Variants in AP3S2 observed in about 807,000 individuals in gnomAD.
The protein encoded by AP3S2 is AP-3 complex subunit sigma-2.
AP3S2 carries 22 observed loss-of-function variants against 23.4 expected under a neutral mutation model. The ratio of observed to expected loss-of-function variants is 0.94; its 90% CI spans 0.67 to 1.34. The LOEUF (loss-of-function observed/expected upper bound fraction) is 1.34. Among genes scored for constraint, AP3S2 ranks in the 40% most tolerant of loss-of-function variants. The probability of loss-of-function intolerance (pLI) is 0.00; values close to 1 mark genes in which losing one functional copy is unlikely to be tolerated. For missense variants in AP3S2, 241 were observed against 236.9 expected (o/e 1.02, Z -0.11); for synonymous variants, 86 against 87.1 (o/e 0.99, Z 0.07).
intron 4 of AP3S2, among the ~76,000 whole-genome samples, chr15:89,857,126 C>G (rs1420228512): frequency 6.6e-6 from 1 of 151,992 alleles, no homozygotes; most frequent in African/African-American, 2.4e-5. Flanking sequence ...AAAGCTTCAT[C>G]AAAAGTAAAA....
At chr15:89,863,888 T>C (rs1313995345) in intron 4 of AP3S2, among the ~76,000 whole-genome samples, 1 of 152,210 alleles carries the variant, frequency 6.6e-6, no homozygotes, top group Admixed American at 6.5e-5. Flanking sequence ...GATCATTTTC[T>C]ATTATCAACA....
chr15:89,870,037 G>A (rs992980431), intron 4 of AP3S2, among the ~76,000 whole-genome samples: 9 of 152,048 alleles, frequency 5.9e-5, no homozygotes, highest in African/African-American at 7.2e-5. Context: ...CACGACGCCC[G>A]GCCTGTATTT....
At position 89,879,632 on chromosome 15, in the gene AP3S2, G is replaced by A. The variant is rs527448730; in HGVS notation, c.274-8086C>T. Among the ~76,000 whole-genome samples, 26 of 152,092 alleles carry A rather than the reference G, an allele frequency of 1.7e-4. No homozygotes were observed. The South Asian group carries it at 4.0e-3, about 23-fold the overall frequency. On this transcript the variant is annotated intron_variant, in intron 3 of 5. Coordinates refer to ENST00000336418, the MANE Select transcript of AP3S2 (RefSeq NM_005829.5). ...TTTTTATTAATTTTTATTTTTTGGGGTCTCACTTTGTCACCCAGCCTGGAG... is the reference window on the plus strand; with the variant it reads ...TTTTTATTAATTTTTATTTTTTGGGATCTCACTTTGTCACCCAGCCTGGAG...
At chr15:89,887,644 G>A (rs547586378) in intron 3 of AP3S2, among the ~76,000 whole-genome samples, 41 of 151,360 alleles carry the variant, frequency 2.7e-4, no homozygotes, top group African/African-American at 5.6e-4. Context: ...TTACAGGCAT[G>A]AGCCACCGCA....
At chr15:89,855,942 C>A (rs561861538) in intron 4 of AP3S2, among the ~76,000 whole-genome samples, 4 of 89,988 alleles carry the variant, frequency 4.4e-5, no homozygotes, top group African/African-American at 1.7e-4. Flanking sequence ...ATGATATGTC[C>A]TTTAAAAAAA....
rs1895163502 is a variant in AP3S2 at position 89,835,391 on chromosome 15, A to G, written c.*124T>C. 2.7e-6 allele frequency: 4 copies of G among 1,500,060 alleles called. No individual in the cohort carries two copies. The highest frequency in any genetic ancestry group is 3.6e-6 in the Non-Finnish European group (4 of 1,116,540). The allele number at this position is 1,500,060 out of a possible 1,614,324, so 92.9% of individuals were successfully genotyped here. On this transcript the variant is annotated 3_prime_UTR_variant, in exon 6 of 6. Transcript: ENST00000336418. ...CCATGCCAAACAGTCTTCCCCAGAC[A>G]CAAAGTTTCCAGGTCCTGAGGCTTG...
intron 4 of AP3S2, among the ~76,000 whole-genome samples, chr15:89,861,322 G>A (rs1407273196): frequency 6.6e-6 from 1 of 152,042 alleles, no homozygotes; most frequent in Non-Finnish European, 1.5e-5. Context: ...AAAAAATAAA[G>A]CGCTGGATAA....
At chr15:89,835,695 T>C (rs768976238) in intron 5 of AP3S2, 52 bp from the exon 6 acceptor site, 3 of 1,411,034 alleles carry the variant, frequency 2.1e-6, no homozygotes, top group Non-Finnish European at 1.9e-6. Context: ...GTTATCTGCT[T>C]AATGCTAAAA....
rs902249904 is a variant in AP3S2, at chr15:89,889,113, G to A, written c.97C>T (p.Arg33Ter). 6.2e-6 allele frequency: 10 copies of A among 1,614,004 alleles called. No homozygotes were observed. Among genetic ancestry groups the A allele is most frequent in the African/African-American group, 4.0e-5 (3 of 74,916 alleles). ...TTGAGGACTAGATGGAAAGTCTCTC[G>A]AACAATCTGCTGTTGAATTTCTTCT... ...FPEEIQQQIVRETFHLVLKRD... is the reference protein window; with the variant it reads ...FPEEIQQQIV Residue 33 changes from arginine (R) to a stop codon, truncating the protein, a stop_gained, in exon 2 of 6, where the codon CGA becomes TGA. Transcript: ENST00000336418. LOFTEE classifies it high-confidence loss of function.
At chr15:89,888,741 C>T (rs1049403082) in intron 2 of AP3S2, 109 bp from the exon 3 acceptor site, 42 of 1,219,146 alleles carry the variant, frequency 3.4e-5, no homozygotes, top group Non-Finnish European at 4.4e-5. Flanking sequence ...GAAGGCCAAA[C>T]GCTAGAAGCA....
rs1184785388 is a variant in AP3S2, at chr15:89,832,626, C to T, written c.*2889G>A. ...GCCGCAGCCTCCTGAGTAGCTGGGA[C>T]TACAGGTGTCCACTACCACGGCTGG... On this transcript the variant is annotated 3_prime_UTR_variant, in exon 6 of 6. Coordinates refer to ENST00000336418, the MANE Select transcript of AP3S2 (RefSeq NM_005829.5). 6.6e-6 allele frequency: 1 copy of T among 151,616 alleles called. No homozygotes were observed. Among genetic ancestry groups the T allele is most frequent in the Non-Finnish European group, 1.5e-5 (1 of 68,046 alleles). 9.4% of individuals were successfully genotyped at this position (151,616 alleles called of 1,614,324 possible).
chr15:89,866,693 T>G (rs987868901), intron 4 of AP3S2, among the ~76,000 whole-genome samples: 1 of 151,766 alleles, frequency 6.6e-6, no homozygotes, highest in African/African-American at 2.4e-5. Context: ...CCATGTTGGT[T>G]AGGCTGGTCT....
chr15:89,837,817 G>C (rs1020593688), intron 4 of AP3S2, 95 bp from the exon 5 acceptor site: 1 of 1,426,920 alleles, frequency 7.0e-7, no homozygotes, highest in Admixed American at 1.9e-5. Flanking sequence ...AGAGTGGTCA[G>C]ATATGACCTG....
chr15:89,859,271 TTC>T (rs962691610), intron 4 of AP3S2, among the ~76,000 whole-genome samples: 4 of 150,832 alleles, frequency 2.7e-5, no homozygotes, highest in Admixed American at 6.6e-5. Context: ...TTTTTTTCTT[TTC>T]TTTCTTTCCT....
intron 3 of AP3S2, 75 bp from the exon 4 acceptor site, chr15:89,871,621 A>G: frequency 6.9e-7 from 1 of 1,459,212 alleles, no homozygotes; most frequent in African/African-American, 1.4e-5. Context: ...CACATCTGAA[A>G]GTAAAAGGGG....
intron 3 of AP3S2, among the ~76,000 whole-genome samples, chr15:89,885,559 T>C (rs1896678268): frequency 6.6e-6 from 1 of 152,232 alleles, no homozygotes; most frequent in Non-Finnish European, 1.5e-5. Flanking sequence ...TAACTATGTA[T>C]ATATCATCCC....
intron 4 of AP3S2, among the ~76,000 whole-genome samples, chr15:89,863,254 A>G (rs879575615): frequency 6.6e-6 from 1 of 152,210 alleles, no homozygotes; most frequent in Non-Finnish European, 1.5e-5. Context: ...AAGAGAACAG[A>G]GAAAGTAGAA....
intron 1 of AP3S2, chr15:89,893,287 G>A (rs1173072121): frequency 7.0e-5 from 11 of 156,092 alleles, no homozygotes; most frequent in Admixed American, 6.5e-4. Context: ...GGAACGTGTT[G>A]GGAAAATTCA....
In AP3S2 at chr15:89,893,942, T is replaced by C. The variant is rs1027267317; in HGVS notation, c.8A>G (p.Gln3Arg). ...ATGGTTGTTGAAAACCAGAATCGCC[T>C]GAATCATCTTTGCCAGCCACGGTTC... MI[Q>R]AILVFNNHGK... The change falls in exon 1 of 6, where the codon CAG becomes CGG. Residue 3 changes from glutamine (Q) to arginine (R), a missense_variant. Gln to Arg is a conservative substitution (Grantham distance 43). Transcript: ENST00000336418. The C allele has an allele frequency of 6.4e-7, 1 of 1,551,554 alleles. No individual in the cohort carries two copies. Among genetic ancestry groups the C allele is most frequent in the Non-Finnish European group, 8.7e-7 (1 of 1,146,964 alleles).
Sources: allele counts gnomAD v4.1 joint callset (sites outside exome capture counted in the v4.1 genomes callset), GRCh38; gene constraint gnomAD v4.1.1; transcripts MANE v1.5; gene names NCBI Gene and HGNC (gene_info 2026-07-23, HGNC 2026-07-21).